FRMPD4: variants seen among roughly 807,000 people sequenced by gnomAD.
FRMPD4 encodes the protein FERM and PDZ domain containing 4.
A neutral mutation model predicts 94.1 loss-of-function variants in FRMPD4; 22 were observed. That is an observed-to-expected ratio of 0.23 (90% CI 0.17 to 0.33). The LOEUF (loss-of-function observed/expected upper bound fraction) is 0.33, where lower values mean the gene tolerates loss of function less well. Ranked by LOEUF, FRMPD4 falls within the 10% of genes least tolerant of loss-of-function variation. The pLI is 1.00. For synonymous variants in FRMPD4, 631 were observed against 548.6 expected (o/e 1.15, Z -2.10); for missense variants, 1,111 against 1,339.9 (o/e 0.83, Z 2.67).
chrX:12,635,902 C>G (rs1466093220), intron 4 of FRMPD4, among the ~76,000 whole-genome samples: 2 of 111,629 alleles, frequency 1.8e-5, no homozygotes, highest in African/African-American at 3.3e-5. Flanking sequence ...CTTCAGTAGT[C>G]ATCAACTCAT....
intron 13 of FRMPD4, 93 bp from the exon 14 acceptor site, chrX:12,710,306 C>T: frequency 1.4e-6 from 1 of 732,795 alleles, no homozygotes; most frequent in Admixed American, 3.0e-5. Flanking sequence ...TGTTCAATAA[C>T]TCCTTTTTCC....
At chrX:12,380,065 C>A (rs1329374815) in intron 1 of FRMPD4, among the ~76,000 whole-genome samples, 1 of 111,364 alleles carries the variant, frequency 9.0e-6, no homozygotes, top group Admixed American at 9.6e-5. Flanking sequence ...AGGGCTCAAC[C>A]GTATGGTAAC....
chrX:12,164,323 T>G (rs1179810563), intron 1 of FRMPD4, among the ~76,000 whole-genome samples: 1 of 111,621 alleles, frequency 9.0e-6, no homozygotes, highest in Non-Finnish European at 1.9e-5. Context: ...TTGCGATAGT[T>G]TGCTGAGAAT....
intron 3 of FRMPD4, among the ~76,000 whole-genome samples, chrX:11,896,539 A>G (rs6639097): frequency 0.053 from 5,941 of 111,906 alleles, 178 homozygotes; most frequent in East Asian, 0.23. Context: ...TGAAGCAGAA[A>G]GCAGGCCTTC....
At chrX:12,665,172 G>A (rs780057324) in intron 4 of FRMPD4, among the ~76,000 whole-genome samples, 1 of 111,769 alleles carries the variant, frequency 8.9e-6, no homozygotes, top group Non-Finnish European at 1.9e-5. Context: ...GCTGGGTGCA[G>A]TGGCTCACGC....
chrX:12,125,421 C>T (rs1246648604), intron 3 of FRMPD4, among the ~76,000 whole-genome samples: 1 of 111,902 alleles, frequency 8.9e-6, no homozygotes, highest in Non-Finnish European at 1.9e-5. Flanking sequence ...ACAAGAAACC[C>T]ATAAAGTGAT....
intron 2 of FRMPD4, among the ~76,000 whole-genome samples, chrX:12,507,994 C>T (rs1224275095): frequency 8.9e-6 from 1 of 111,882 alleles, no homozygotes; most frequent in Non-Finnish European, 1.9e-5. Flanking sequence ...CAATGGAATG[C>T]TGAATACAAG....
intron 1 of FRMPD4, among the ~76,000 whole-genome samples, chrX:12,223,737 A>G (rs756838708): frequency 8.9e-6 from 1 of 112,052 alleles, no homozygotes; most frequent in Admixed American, 9.5e-5. Flanking sequence ...TGTCTTTATT[A>G]TAGCCATTCT....
In FRMPD4 at chrX:12,716,478, G is replaced by A. The variant is rs763512779; in HGVS notation, c.2019G>A (p.Thr673=). 4 of 1,210,270 alleles carry A rather than the reference G, an allele frequency of 3.3e-6. No homozygotes were observed. Among genetic ancestry groups the A allele is most frequent in the Non-Finnish European group, 3.4e-6 (3 of 894,738 alleles). ...GISPPTLGYE[T]LLDEGPEMLE... ...GTCCCCCAACCCTTGGCTATGAAAC[G>A]CTACTAGATGAGGGTCCTGAAATGC... The change falls in exon 15 of 17, where the codon ACG becomes ACA. Residue 673 remains threonine, a synonymous_variant. Transcript: ENST00000675598.
intron 1 of FRMPD4, among the ~76,000 whole-genome samples, chrX:12,441,144 A>T: frequency 8.9e-6 from 1 of 112,101 alleles, no homozygotes. Flanking sequence ...GCTGGAGGCA[A>T]CTGTAAACTT....
intron 3 of FRMPD4, among the ~76,000 whole-genome samples, chrX:11,913,705 C>T (rs200112966): frequency 9.4e-6 from 1 of 106,835 alleles, no homozygotes; most frequent in African/African-American, 3.4e-5. Flanking sequence ...AATATCATTT[C>T]CCTTTGGTAA....
At chrX:12,430,040 T>A (rs1275696525) in intron 1 of FRMPD4, among the ~76,000 whole-genome samples, 2 of 111,909 alleles carry the variant, frequency 1.8e-5, no homozygotes, top group Non-Finnish European at 3.8e-5. Context: ...GAGAAAATAA[T>A]TTCTTTTATA....
intron 3 of FRMPD4, among the ~76,000 whole-genome samples, chrX:11,906,224 T>C (rs1157023000): frequency 9.1e-6 from 1 of 109,618 alleles, no homozygotes; most frequent in Admixed American, 9.8e-5. Context: ...CTCAGCTTAC[T>C]GCAAGCTCCA....
At chrX:12,251,345 A>G (rs190714490) in intron 1 of FRMPD4, among the ~76,000 whole-genome samples, 1 of 112,056 alleles carries the variant, frequency 8.9e-6, no homozygotes, top group African/African-American at 3.2e-5. Flanking sequence ...CTTGACTGCT[A>G]GAACCTACTT....
At chrX:12,413,628 C>T (rs2056762825) in intron 1 of FRMPD4, among the ~76,000 whole-genome samples, 2 of 112,114 alleles carry the variant, frequency 1.8e-5, no homozygotes, top group Non-Finnish European at 3.8e-5. Context: ...TGATGGAGAA[C>T]AGCTGGCCCA....
At chrX:12,189,660 G>C (rs2056466726) in intron 1 of FRMPD4, among the ~76,000 whole-genome samples, 1 of 111,637 alleles carries the variant, frequency 9.0e-6, no homozygotes, top group South Asian at 3.7e-4. Context: ...CAGAGGAAAA[G>C]TCACATGATC....
At chrX:12,706,745 C>T (rs1373879913) in intron 11 of FRMPD4, 81 bp from the exon 12 acceptor site, 16 of 499,245 alleles carry the variant, frequency 3.2e-5, no homozygotes, top group Non-Finnish European at 5.5e-5. Context: ...TTCTATCTTA[C>T]ACTTGTTTTC....
chrX:12,417,320 T>C (rs1017586999), intron 1 of FRMPD4, among the ~76,000 whole-genome samples: 1 of 111,239 alleles, frequency 9.0e-6, no homozygotes, highest in African/African-American at 3.3e-5. Context: ...AGCTCACGCC[T>C]GTAATCCCAG....
chrX:12,081,484 A>G (rs181187084), intron 3 of FRMPD4, among the ~76,000 whole-genome samples: 7 of 111,244 alleles, frequency 6.3e-5, no homozygotes, highest in Admixed American at 5.7e-4. Flanking sequence ...GACTTTGACC[A>G]TAGAGTCTTA....
Sources: allele counts gnomAD v4.1 joint callset (sites outside exome capture counted in the v4.1 genomes callset), GRCh38; gene constraint gnomAD v4.1.1; transcripts MANE v1.5; gene names NCBI Gene and HGNC (gene_info 2026-07-23, HGNC 2026-07-21).